The following CTNNA2 variants were observed in gnomAD, a reference collection of about 807,000 sequenced individuals.
CTNNA2 encodes the protein catenin alpha 2, also known as catenin alpha-2.
Under a neutral mutation model 101.0 loss-of-function variants are expected in CTNNA2, and 42 were observed. The observed-to-expected ratio is 0.42, with a 90% CI of 0.32 to 0.54. The LOEUF is 0.54. CTNNA2 is among the 20% of genes least tolerant of loss of function. CTNNA2 has a pLI of 0.14. For missense variants in CTNNA2, 871 were observed against 1,223.1 expected, an observed-to-expected ratio of 0.71 and a Z score of 4.29; for synonymous variants, 450 against 456.4, an observed-to-expected ratio of 0.99 and a Z score of 0.18.
At chr2:80,169,479 C>T (rs1295928963) in intron 7 of CTNNA2, among the ~76,000 whole-genome samples, 5 of 152,156 alleles carry the variant, frequency 3.3e-5, no homozygotes, top group Non-Finnish European at 7.3e-5. Context: ...AGTTTGTTTG[C>T]TTGACTTATA....
chr2:80,574,178 C>T lies in CTNNA2; in HGVS notation c.1757C>T (p.Ala586Val). The change falls in exon 13 of 19, where the codon GCT (alanine) becomes GTT (valine). Residue 586 changes from alanine (A) to valine (V), a missense_variant. This residue lies in a region of CTNNA2 where 647 missense variants were observed against 831.5 expected (regional missense o/e 0.78). Transcript: ENST00000402739. The part of the protein sequence containing the change: ...LLSETVMPRF[A>V]EQVEVAIEAL... ...TTTAACCCAGTGATGCCACGCTTCG[C>T]TGAACAAGTAGAGGTTGCCATTGAA... is the stretch of plus-strand genomic sequence containing the variant. 1 of 1,612,402 alleles carries T rather than the reference C, an allele frequency of 6.2e-7. No homozygotes were observed. The highest frequency in any genetic ancestry group is 8.5e-7 in the Non-Finnish European group (1 of 1,179,054).
chr2:79,768,129 G>A (rs1325592741), intron 3 of CTNNA2, among the ~76,000 whole-genome samples: 6 of 151,648 alleles, frequency 4.0e-5, no homozygotes, highest in Middle Eastern at 3.2e-3. Context: ...TCCCTCTGTG[G>A]GTAGGTATCA....
intron 18 of CTNNA2, among the ~76,000 whole-genome samples, chr2:80,620,362 C>T (rs1670989296): frequency 6.6e-6 from 1 of 151,698 alleles, no homozygotes; most frequent in Non-Finnish European, 1.5e-5. Flanking sequence ...TCATCAACGG[C>T]TTCTTTGTTA....
rs183764277 is a variant in CTNNA2 at position 80,103,738 on chromosome 2, T to C, written c.1056+193941T>C. On this transcript the variant is annotated intron_variant, in intron 7 of 18. Transcript: ENST00000402739. ...GCTTAAATAATGTTTTGTTTTGTTT[T>C]GTTTTTGATTTTTTGAGACAGAGTC... Among the ~76,000 whole-genome samples the C allele has an allele frequency of 6.6e-5, 10 of 152,302 alleles. No individual in the cohort carries two copies. In the East Asian group the frequency reaches 1.9e-3, roughly 29 times the overall value.
intron 2 of CTNNA2, among the ~76,000 whole-genome samples, chr2:79,228,220 G>A (rs778725403): frequency 5.9e-5 from 9 of 152,144 alleles, no homozygotes; most frequent in Non-Finnish European, 1.2e-4. Context: ...GAACATATGG[G>A]TGCATGGGAC....
chr2:80,303,739 G>A lies in CTNNA2; in HGVS notation c.1057-89472G>A. ...GGGCGGCGGGCAGCATCTGAAAGCA[G>A]GCCCCCAGCAGACACAAGACCACCC... On this transcript the variant is annotated intron_variant, in intron 7 of 18. Coordinates refer to ENST00000402739, the MANE Select transcript of CTNNA2 (RefSeq NM_001282597.3). This position sits in a 1 kb window ranked among gnomAD's most constrained non-coding sequence, Gnocchi z 7.7. The A allele has an allele frequency of 6.3e-7, 1 of 1,599,994 alleles. No homozygotes were observed. Among genetic ancestry groups the A allele is most frequent in the Non-Finnish European group, 8.5e-7 (1 of 1,173,360 alleles).
At chr2:80,126,068 C>T (rs1044725125) in intron 7 of CTNNA2, among the ~76,000 whole-genome samples, 1 of 152,168 alleles carries the variant, frequency 6.6e-6, no homozygotes, top group Non-Finnish European at 1.5e-5. Flanking sequence ...TTTCCCCATA[C>T]TCCTATATAG....
intron 18 of CTNNA2, among the ~76,000 whole-genome samples, chr2:80,623,048 T>TA (rs367889797): frequency 0.064 from 7,774 of 121,554 alleles, 430 homozygotes; most frequent in African/African-American, 0.14. Context: ...CGCTAGTTTC[T>TA]AAAAAAAAAA....
At chr2:79,208,663 ATCT>A (rs1461245218) in intron 2 of CTNNA2, among the ~76,000 whole-genome samples, 3 of 152,120 alleles carry the variant, frequency 2.0e-5, no homozygotes. Context: ...CAAGCTACAC[ATCT>A]TCTTTCAGGC....
chr2:80,300,552 G>C (rs748470500), intron 7 of CTNNA2, among the ~76,000 whole-genome samples: 1 of 151,996 alleles, frequency 6.6e-6, no homozygotes, highest in Admixed American at 6.6e-5. Flanking sequence ...GGAGACATTT[G>C]CATGTTGGGG....
intron 2 of CTNNA2, among the ~76,000 whole-genome samples, chr2:79,215,653 T>A: frequency 6.6e-6 from 1 of 152,032 alleles, no homozygotes; most frequent in African/African-American, 2.4e-5. Context: ...GTTTTTATAT[T>A]TGATGAAAAA....
At chr2:79,887,509 G>A (rs1030174938) in intron 6 of CTNNA2, among the ~76,000 whole-genome samples, 9 of 151,726 alleles carry the variant, frequency 5.9e-5, no homozygotes, top group African/African-American at 1.5e-4. Context: ...GTTCATTTCC[G>A]TTCCCATCAG....
At position 80,002,787 on chromosome 2, in the gene CTNNA2, G is replaced by A. The variant is rs546877416; in HGVS notation, c.1056+92990G>A. Among the ~76,000 whole-genome samples, 11 of 152,134 alleles carry A rather than the reference G, an allele frequency of 7.2e-5. 1 individual carries two copies. The East Asian group carries it at 7.8e-4, about 11-fold the overall frequency. The stretch of plus-strand genomic sequence containing the variant: ...GACTCTGCAGAGCTGTGCCTTCCAC[G>A]CTCATCACTGATATACTTCTGCCTA... On this transcript the variant is annotated intron_variant, in intron 7 of 18. Coordinates refer to ENST00000402739, the MANE Select transcript of CTNNA2 (RefSeq NM_001282597.3).
At chr2:79,463,501 T>C (rs1670901314) in intron 4 of CTNNA2, among the ~76,000 whole-genome samples, 1 of 152,130 alleles carries the variant, frequency 6.6e-6, no homozygotes, top group African/African-American at 2.4e-5. Flanking sequence ...ATGGCTTCTG[T>C]TTAAAATTCA....
intron 1 of CTNNA2, among the ~76,000 whole-genome samples, chr2:79,615,648 T>C (rs1573483124): frequency 6.6e-6 from 1 of 152,314 alleles, no homozygotes; most frequent in East Asian, 1.9e-4. Context: ...AGGAATTTTC[T>C]TCAGGCTAGG....
chr2:80,269,744 T>A (rs1334904144), intron 7 of CTNNA2, among the ~76,000 whole-genome samples: 1 of 152,194 alleles, frequency 6.6e-6, no homozygotes, highest in East Asian at 1.9e-4. Context: ...GAGTACTATT[T>A]TCCATCAGAT....
chr2:80,242,332 TA>T (rs1354682349), intron 7 of CTNNA2, among the ~76,000 whole-genome samples: 1 of 152,200 alleles, frequency 6.6e-6, no homozygotes, highest in Non-Finnish European at 1.5e-5. Context: ...CTCAGAGTTA[TA>T]ATTAAGGACC....
chr2:79,815,466 TC>T (rs1165241396), intron 3 of CTNNA2, among the ~76,000 whole-genome samples: 2 of 152,072 alleles, frequency 1.3e-5, no homozygotes, highest in African/African-American at 4.8e-5. Flanking sequence ...GAAATGAGGA[TC>T]CAGTTTCATG....
chr2:79,466,803 T>C (rs926127559), intron 4 of CTNNA2, among the ~76,000 whole-genome samples: 14 of 152,334 alleles, frequency 9.2e-5, no homozygotes, highest in Admixed American at 2.0e-4. Context: ...CCAACAGAAC[T>C]GCAGCTGAGG....
Sources: gnomAD v4.1 joint callset for allele counts (sites outside exome capture counted in the v4.1 genomes callset) on GRCh38, gnomAD v4.1.1 for gene constraint, gnomAD v4.1.1 regional missense constraint, Gnocchi (gnomAD v3.1) non-coding constraint, MANE v1.5 for transcripts, NCBI Gene and HGNC (gene_info 2026-07-23, HGNC 2026-07-21) for gene names.